Variants in IFNA4 observed in about 807,000 individuals in gnomAD.
IFNA4 encodes interferon alpha-4.
For missense variants in IFNA4, 225 were observed against 214.9 expected (o/e 1.05, Z -0.29); for synonymous variants, 84 against 86.0 (o/e 0.98, Z 0.13).
chr9:21,186,855 A>G, exon 1 of IFNA4: 1 of 1,555,204 alleles, frequency 6.4e-7, no homozygotes, highest in East Asian at 2.2e-5. Flanking sequence ...GAAAATTTTG[A>G]TTCAACTCGT....
exon 1 of IFNA4, chr9:21,186,818 A>G (rs1563804440): frequency 1.5e-6 from 2 of 1,360,114 alleles, no homozygotes; most frequent in African/African-American, 1.5e-5. Flanking sequence ...GTATACACCA[A>G]GCTTCTTCAC....
chr9:21,187,128 A>G (rs1227919681), exon 1 of IFNA4: 1 of 1,614,064 alleles, frequency 6.2e-7, no homozygotes. Flanking sequence ...GTCCTCATTC[A>G]TCAGGGGAGT....
chr9:21,186,808 G>A lies in IFNA4; in HGVS notation c.*154C>T, dbSNP rs564308589. ...CTGTAAAGGACTAGTGCCTGCACAG[G>A]TATACACCAAGCTTCTTCACACTGC... On this transcript the variant is annotated 3_prime_UTR_variant, in exon 1 of 1. Coordinates refer to ENST00000421715, the Ensembl canonical transcript of IFNA4. 1.9e-4 allele frequency: 232 copies of A among 1,190,378 alleles called. 2 individuals carry two copies. In the East Asian group the frequency reaches 4.4e-3, roughly 23 times the overall value. 73.7% of individuals were successfully genotyped at this position (1,190,378 alleles called of 1,614,324 possible).
exon 1 of IFNA4, chr9:21,187,497 A>T (rs1817925655): frequency 6.2e-7 from 1 of 1,612,490 alleles, no homozygotes; most frequent in East Asian, 2.2e-5. Context: ...GCTGAGCACC[A>T]GCACGGCCAT....
exon 1 of IFNA4, chr9:21,187,423 C>T (rs1186470234): frequency 1.2e-6 from 2 of 1,614,120 alleles, no homozygotes; most frequent in Admixed American, 1.7e-5. Context: ...AGTATCAAGG[C>T]CCTCCTATTA....
At chr9:21,187,180 C>T (rs746820810) in exon 1 of IFNA4, 375 of 1,613,140 alleles carry the variant, frequency 2.3e-4, no homozygotes, top group Non-Finnish European at 2.8e-4. Flanking sequence ...GCTTCCAGGT[C>T]ATTCAGTTGC....
exon 1 of IFNA4, chr9:21,187,374 A>C: frequency 6.2e-7 from 1 of 1,614,170 alleles, no homozygotes; most frequent in Non-Finnish European, 8.5e-7. Context: ...TCTGTCCTTC[A>C]GGCAGGAGAA....
chr9:21,186,677 C>A (rs1391164108), downstream of IFNA4: 9 of 178,930 alleles, frequency 5.0e-5, no homozygotes, highest in South Asian at 2.0e-4. Flanking sequence ...TTGTTACATT[C>A]ACCACAATGT....
At position 21,187,363 on chromosome 9, in the gene IFNA4, G is replaced by T. The variant is rs144166492; in HGVS notation, c.169C>A (p.His57Asn). ...TCCTCCTCGGGGAATCCGAAATCAT[G>T]TCTGTCCTTCAGGCAGGAGAAATGA... Residue 57 changes from histidine (H) to asparagine (N), a missense_variant, in exon 1 of 1, where the codon CAT (histidine) becomes AAT (asparagine). His to Asn is a moderately conservative substitution (Grantham distance 68). Transcript: ENST00000421715. 1,175 of 1,614,182 alleles carry T rather than the reference G, an allele frequency of 7.3e-4. 9 individuals carry two copies. The African/African-American group carries it at 0.014, about 19-fold the overall frequency.
At chr9:21,187,376 G>A (rs767639059) in exon 1 of IFNA4, 14 of 1,613,988 alleles carry the variant, frequency 8.7e-6, no homozygotes, top group Non-Finnish European at 1.2e-5. Context: ...TGTCCTTCAG[G>A]CAGGAGAAAT....
At chr9:21,187,338 T>A (rs1817921868) in exon 1 of IFNA4, 2 of 1,614,090 alleles carry the variant, frequency 1.2e-6, no homozygotes, top group Non-Finnish European at 1.7e-6. Flanking sequence ...GCCATCAAAC[T>A]CCTCCTCGGG....
At chr9:21,186,713 A>C (rs1817906108) in exon 1 of IFNA4, 1 of 246,214 alleles carries the variant, frequency 4.1e-6, no homozygotes. Flanking sequence ...ATCACATAAA[A>C]AATAATTTAA....
At chr9:21,187,438 G>A (rs1389490400) in exon 1 of IFNA4, 1 of 1,614,170 alleles carries the variant, frequency 6.2e-7, no homozygotes, top group South Asian at 1.1e-5. Context: ...CTATTACCCA[G>A]GCTGTGGGTC....
At chr9:21,187,380 G>T in exon 1 of IFNA4, 5 of 1,614,144 alleles carry the variant, frequency 3.1e-6, no homozygotes, top group Non-Finnish European at 4.2e-6. Context: ...CTTCAGGCAG[G>T]AGAAATGAGA....
exon 1 of IFNA4, chr9:21,187,372 T>C (rs886994339): frequency 2.5e-6 from 4 of 1,614,014 alleles, no homozygotes; most frequent in Non-Finnish European, 3.4e-6. Flanking sequence ...TGTCTGTCCT[T>C]CAGGCAGGAG....
In IFNA4 at chr9:21,186,927, A is replaced by C. The variant is rs536723585; in HGVS notation, c.*35T>G. 186 of 1,612,320 alleles carry C rather than the reference A, an allele frequency of 1.2e-4. 2 individuals are homozygous for C. The South Asian group carries it at 2.0e-3, about 18-fold the overall frequency. ...TCATGAAAGTGTGAGATAATGTATT[A>C]GTCAATCAGGATCATTTCCATGTTG... is the stretch of plus-strand genomic sequence containing the variant. On this transcript the variant is annotated 3_prime_UTR_variant, in exon 1 of 1. Transcript: ENST00000421715.
rs1330624282 is a variant in IFNA4 at position 21,187,331 on chromosome 9, A to T, written c.201T>A (p.Asp67Glu). The T allele has an allele frequency of 2.5e-6, 4 of 1,614,130 alleles. No homozygotes were observed. The highest frequency in any genetic ancestry group is 3.4e-6 in the Non-Finnish European group (4 of 1,180,012). Residue 67 changes from aspartate to glutamate, a missense_variant, in exon 1 of 1, where the codon GAT becomes GAA. Asp to Glu is a conservative substitution (Grantham distance 45). Transcript: ENST00000421715. Reference sequence around the variant, plus strand: ...CTTGAGCCTTCTGGAACTGGTGGCCATCAAACTCCTCCTCGGGGAATCCGA... The same window carrying T: ...CTTGAGCCTTCTGGAACTGGTGGCCTTCAAACTCCTCCTCGGGGAATCCGA...
rs200551386 is a variant in IFNA4, at chr9:21,187,198, G to C, written c.334C>G (p.Leu112Val). The change falls in exon 1 of 1, where the codon CTT (leucine) becomes GTT (valine). Residue 112 changes from leucine to valine, a missense_variant. Leu to Val is a conservative substitution (Grantham distance 32). Transcript: ENST00000421715. The stretch of plus-strand genomic sequence containing the variant: ...TCCAGGTCATTCAGTTGCTGGTAAA[G>C]TTCAGTGGAAAATTTTTCTAGGAGG... The C allele has an allele frequency of 6.2e-7, 1 of 1,612,260 alleles. No individual in the cohort carries two copies.
rs1272514194 is a variant in IFNA4, at chr9:21,187,054, T to A, written c.478A>T (p.Ser160Cys). The A allele has an allele frequency of 2.5e-6, 4 of 1,614,172 alleles. No homozygotes were observed. The South Asian group carries it at 4.4e-5, about 18-fold the overall frequency. ...CTGACAACCTCCCAGGCACAAGGGC[T>A]GTATTTCTTCTCTGTTAGATAAAGA... Residue 160 changes from serine (S) to cysteine (C), a missense_variant, in exon 1 of 1, where the codon AGC becomes TGC. Ser to Cys is a moderately radical substitution (Grantham distance 112, BLOSUM62 -1). Coordinates refer to ENST00000421715, the Ensembl canonical transcript of IFNA4.
Sources: gnomAD v4.1 joint callset for allele counts on GRCh38, gnomAD v4.1.1 for gene constraint, MANE v1.5 for transcripts, NCBI Gene and HGNC (gene_info 2026-07-23, HGNC 2026-07-21) for gene names.